Variants in SPRED1 observed in about 807,000 individuals in gnomAD.
The protein encoded by SPRED1 is sprouty related EVH1 domain containing 1.
A neutral mutation model predicts 52.3 loss-of-function variants in SPRED1; 18 were observed. That is an observed-to-expected ratio of 0.34 (90% CI 0.24 to 0.51). The LOEUF is 0.51. Ranked by LOEUF, SPRED1 falls within the 20% of genes least tolerant of loss-of-function variation. The pLI, the probability that SPRED1 is intolerant of heterozygous loss-of-function variation, is 0.97. For missense variants in SPRED1, 485 were observed against 551.0 expected (o/e 0.88, Z 1.20); for synonymous variants, 155 against 179.7 (o/e 0.86, Z 1.10).
rs1156290921 is a variant in SPRED1, at chr15:38,352,608, C to T, written c.*944C>T. 1.3e-5 allele frequency: 2 copies of T among 152,338 alleles called. No individual in the cohort carries two copies. Among genetic ancestry groups the T allele is most frequent in the Non-Finnish European group, 2.9e-5 (2 of 67,922 alleles). The allele number at this position is 152,338 out of a possible 1,614,324, so 9.4% of individuals were successfully genotyped here. A position where few individuals can be genotyped will look rare whatever the true frequency, so the allele number is the denominator to read the frequency against. ...AGCAAGTTGTTTTCTTTCAGAGTTTCCTCCTTCAAAAAGTTATATTGCATT... is the reference window on the plus strand; with the variant it reads ...AGCAAGTTGTTTTCTTTCAGAGTTTTCTCCTTCAAAAAGTTATATTGCATT... On this transcript the variant is annotated 3_prime_UTR_variant, in exon 7 of 7. Transcript: ENST00000299084.
chr15:38,295,870 T>C (rs1269378939), intron 1 of SPRED1, among the ~76,000 whole-genome samples: 5 of 152,250 alleles, frequency 3.3e-5, no homozygotes, highest in Admixed American at 6.5e-5. Context: ...GTTTCATACA[T>C]GCATTAGCAT....
rs1009858752 is a variant in SPRED1 at position 38,300,998 on chromosome 15, G to C, written c.207+1451G>C. Among the ~76,000 whole-genome samples, 11 of 152,030 alleles carry C rather than the reference G, an allele frequency of 7.2e-5. 1 individual carries two copies. Among genetic ancestry groups the C allele is most frequent in the Non-Finnish European group, 1.5e-5 (1 of 67,974 alleles). On this transcript the variant is annotated intron_variant, in intron 2 of 6. Coordinates refer to ENST00000299084, the MANE Select transcript of SPRED1 (RefSeq NM_152594.3). ...TTTTTCTAGATAAACTTTTTCCTAA[G>C]AATACAAAGGTAGTAGAAAGTAAAA...
At chr15:38,349,967 G>A (rs1370583154) in intron 6 of SPRED1, among the ~76,000 whole-genome samples, 1 of 152,030 alleles carries the variant, frequency 6.6e-6, no homozygotes, top group African/African-American at 2.4e-5. Context: ...ATGATGTAAG[G>A]GGTCAAAAGA....
chr15:38,271,735 T>TA (rs1238933073), intron 1 of SPRED1, among the ~76,000 whole-genome samples: 2 of 152,170 alleles, frequency 1.3e-5, no homozygotes, highest in African/African-American at 4.8e-5. Context: ...CTGCTGAAAA[T>TA]AAAAATTATT....
chr15:38,294,142 C>T (rs1894983452), intron 1 of SPRED1, among the ~76,000 whole-genome samples: 1 of 152,168 alleles, frequency 6.6e-6, no homozygotes, highest in Non-Finnish European at 1.5e-5. Context: ...TCATCCCAAC[C>T]TACTTCTATT....
chr15:38,319,018 G>T (rs1170179848), intron 2 of SPRED1, among the ~76,000 whole-genome samples: 1 of 151,954 alleles, frequency 6.6e-6, no homozygotes, highest in East Asian at 1.9e-4. Context: ...GTTAATAGTT[G>T]AAAATATTAA....
chr15:38,316,759 T>TTG (rs1895493599), intron 2 of SPRED1, among the ~76,000 whole-genome samples: 2 of 144,960 alleles, frequency 1.4e-5, no homozygotes, highest in South Asian at 4.3e-4. Flanking sequence ...TTTTTTTTTT[T>TTG]TTTTTTTTTT....
intron 2 of SPRED1, among the ~76,000 whole-genome samples, chr15:38,306,119 C>G (rs1193252227): frequency 1.3e-5 from 2 of 152,148 alleles, no homozygotes; most frequent in African/African-American, 4.8e-5. Flanking sequence ...ACAATTTCAT[C>G]TCCACATAGA....
intron 1 of SPRED1, among the ~76,000 whole-genome samples, chr15:38,255,491 G>A (rs906199821): frequency 1.3e-5 from 2 of 151,966 alleles, no homozygotes; most frequent in Non-Finnish European, 2.9e-5. Context: ...AATCTTGGGG[G>A]TTTTACTTTA....
At position 38,351,788 on chromosome 15, in the gene SPRED1, G is replaced by A; in HGVS notation, c.*124G>A. 1.7e-6 allele frequency: 2 copies of A among 1,191,662 alleles called. No homozygotes were observed. The allele number at this position is 1,191,662 out of a possible 1,614,324, so 73.8% of individuals were successfully genotyped here. ...GGTATCATTGAGCCCACACATGGAGGAAGCAGAACTCATCAGTTCTTGGCG... is the reference window on the plus strand; with the variant it reads ...GGTATCATTGAGCCCACACATGGAGAAAGCAGAACTCATCAGTTCTTGGCG... On this transcript the variant is annotated 3_prime_UTR_variant, in exon 7 of 7. Coordinates refer to ENST00000299084, the MANE Select transcript of SPRED1 (RefSeq NM_152594.3).
intron 1 of SPRED1, chr15:38,298,559 C>T: frequency 6.6e-6 from 2 of 302,070 alleles, no homozygotes; most frequent in Non-Finnish European, 1.2e-5. Context: ...AGAAAGAAGT[C>T]AGACAAAAAG....
At chr15:38,315,136 G>A (rs1895450548) in intron 2 of SPRED1, among the ~76,000 whole-genome samples, 1 of 151,854 alleles carries the variant, frequency 6.6e-6, no homozygotes, top group African/African-American at 2.4e-5. Flanking sequence ...GCAACTATTT[G>A]AGATATCAGT....
chr15:38,327,527 G>A (rs971111600), intron 4 of SPRED1, among the ~76,000 whole-genome samples: 7 of 152,126 alleles, frequency 4.6e-5, no homozygotes, highest in Non-Finnish European at 8.8e-5. Context: ...GCCACTATAC[G>A]TGAAGACACT....
chr15:38,311,259 C>G (rs1269036759), intron 2 of SPRED1, among the ~76,000 whole-genome samples: 1 of 152,088 alleles, frequency 6.6e-6, no homozygotes, highest in Non-Finnish European at 1.5e-5. Flanking sequence ...AGCCCTGTTT[C>G]TGCAATAAAT....
Position 38,355,766 on chromosome 15 carries a change from C to T in SPRED1, c.*4102C>T, listed in dbSNP as rs577333581. On this transcript the variant is annotated 3_prime_UTR_variant, in exon 7 of 7. Coordinates refer to ENST00000299084, the MANE Select transcript of SPRED1 (RefSeq NM_152594.3). ...TCTTGATTTGACTTCCATGTTCACA[C>T]TTCAAAGTGTAAGAGGAAGCACTAG... The T allele has an allele frequency of 1.9e-4, 29 of 152,278 alleles. No homozygotes were observed. The South Asian group carries it at 5.8e-3, about 30-fold the overall frequency. The allele number at this position is 152,278 out of a possible 1,614,324, so 9.4% of individuals were successfully genotyped here. A position where few individuals can be genotyped will look rare whatever the true frequency, so the allele number is the denominator to read the frequency against.
rs754706111 is a variant in SPRED1 at position 38,322,338 on chromosome 15, C to A, written c.305C>A (p.Thr102Lys). The change falls in exon 3 of 7, where the codon ACG (threonine) becomes AAG (lysine). Residue 102 changes from threonine to lysine, a missense_variant. Transcript: ENST00000299084. ...WKIDDKKFGL[T>K]FQSPADARAF... ...ATTGATGACAAGAAGTTTGGTCTTA[C>A]GTTTCAAAGTCCTGCTGATGCTAGG... The A allele has an allele frequency of 1.2e-6, 2 of 1,613,878 alleles. No homozygotes were observed. Among genetic ancestry groups the A allele is most frequent in the Non-Finnish European group, 1.7e-6 (2 of 1,179,892 alleles).
intron 1 of SPRED1, among the ~76,000 whole-genome samples, chr15:38,296,006 A>C (rs1282159499): frequency 6.6e-6 from 1 of 152,178 alleles, no homozygotes; most frequent in African/African-American, 2.4e-5. Flanking sequence ...AAAACTGTGC[A>C]GTGTATGGTT....
chr15:38,257,810 G>C (rs1894129797), intron 1 of SPRED1, among the ~76,000 whole-genome samples: 1 of 152,240 alleles, frequency 6.6e-6, no homozygotes, highest in African/African-American at 2.4e-5. Flanking sequence ...AAGTGAAATT[G>C]ATCAGGAAAG....
At chr15:38,280,681 AG>A (rs1289146291) in intron 1 of SPRED1, among the ~76,000 whole-genome samples, 2 of 152,228 alleles carry the variant, frequency 1.3e-5, no homozygotes, top group Non-Finnish European at 2.9e-5. Flanking sequence ...TATGTGGATC[AG>A]CAAACTGTTT....
Sources: gnomAD v4.1 joint callset for allele counts (sites outside exome capture counted in the v4.1 genomes callset) on GRCh38, gnomAD v4.1.1 for gene constraint, MANE v1.5 for transcripts, NCBI Gene and HGNC (gene_info 2026-07-23, HGNC 2026-07-21) for gene names.